The following CBFA2T2 variants were observed in gnomAD, a reference collection of about 807,000 sequenced individuals.
CBFA2T2 encodes protein CBFA2T2.
CBFA2T2 carries 11 observed loss-of-function variants against 62.2 expected under a neutral mutation model. That is an observed-to-expected ratio of 0.18 (90% CI 0.11 to 0.29). CBFA2T2 has a LOEUF of 0.29. Ranked by LOEUF, CBFA2T2 falls within the 10% of genes least tolerant of loss-of-function variation. CBFA2T2 has a pLI of 1.00. For synonymous variants in CBFA2T2, 295 were observed against 287.5 expected, an observed-to-expected ratio of 1.03 and a Z score of -0.27; for missense variants, 592 against 774.1, an observed-to-expected ratio of 0.76 and a Z score of 2.79.
intron 1 of CBFA2T2, among the ~76,000 whole-genome samples, chr20:33,508,846 G>T (rs2011452465): frequency 6.6e-6 from 1 of 152,160 alleles, no homozygotes; most frequent in South Asian, 2.1e-4. Flanking sequence ...TCCCATTAGG[G>T]CTTAACTTAA....
In CBFA2T2 at chr20:33,619,127, C is replaced by G. The variant is rs116004447; in HGVS notation, c.421-390C>G. 7.8e-3 allele frequency among the ~76,000 whole-genome samples: 1,195 copies of G among 152,306 alleles called. 10 individuals are homozygous for G. Among genetic ancestry groups the G allele is most frequent in the African/African-American group, 0.027 (1,130 of 41,558 alleles). On this transcript the variant is annotated intron_variant, in intron 3 of 10. Coordinates refer to ENST00000342704, the MANE Select transcript of CBFA2T2 (RefSeq NM_001032999.3). ...CGGTGGCTCACCCCTGTAATCCCAA[C>G]ACTTTGGAAGGCTGAGGGAGGAAGA...
Position 33,646,686 on chromosome 20 carries a change from T to A in CBFA2T2, c.*2040T>A, listed in dbSNP as rs544203386. 1 of 151,200 alleles carries A rather than the reference T, an allele frequency of 6.6e-6. No homozygotes were observed. The highest frequency in any genetic ancestry group is 1.5e-5 in the Non-Finnish European group (1 of 67,842). The allele number at this position is 151,200 out of a possible 1,614,324, so 9.4% of individuals were successfully genotyped here. A position where few individuals can be genotyped will look rare whatever the true frequency, so the allele number is the denominator to read the frequency against. ...ACCTGGCCAACATGGTGAAACCCTG[T>A]CTCTAATAAAAAAAAAATAGAAAAA... On this transcript the variant is annotated 3_prime_UTR_variant, in exon 11 of 11. Transcript: ENST00000342704.
chr20:33,528,274 A>G (rs2011943679), intron 1 of CBFA2T2, among the ~76,000 whole-genome samples: 1 of 152,240 alleles, frequency 6.6e-6, no homozygotes, highest in Non-Finnish European at 1.5e-5. Context: ...GATAGCTAGT[A>G]AGAGAGGTAA....
At chr20:33,498,708 C>T (rs1186132973) in intron 1 of CBFA2T2, among the ~76,000 whole-genome samples, 1 of 151,994 alleles carries the variant, frequency 6.6e-6, no homozygotes, top group Non-Finnish European at 1.5e-5. Flanking sequence ...TGCCACTGCA[C>T]TCCAGCCTGG....
intron 3 of CBFA2T2, among the ~76,000 whole-genome samples, chr20:33,615,714 C>T (rs1268095475): frequency 6.6e-6 from 1 of 151,744 alleles, no homozygotes; most frequent in Non-Finnish European, 1.5e-5. Context: ...GATTGTGAGC[C>T]TGGGGGACAG....
At chr20:33,550,961 G>A (rs1001759513) in intron 1 of CBFA2T2, among the ~76,000 whole-genome samples, 2 of 152,024 alleles carry the variant, frequency 1.3e-5, no homozygotes, top group Non-Finnish European at 2.9e-5. Context: ...ACATGAGTTG[G>A]AAGCTACATG....
chr20:33,595,803 G>GTGC (rs1466572467), intron 1 of CBFA2T2, among the ~76,000 whole-genome samples: 1 of 152,134 alleles, frequency 6.6e-6, no homozygotes, highest in Non-Finnish European at 1.5e-5. Context: ...GCCTCCCAAA[G>GTGC]TGCTGGGATT....
At chr20:33,527,064 G>GA (rs1473846950) in intron 1 of CBFA2T2, among the ~76,000 whole-genome samples, 2 of 152,200 alleles carry the variant, frequency 1.3e-5, no homozygotes, top group African/African-American at 2.4e-5. Flanking sequence ...GCATTATAAA[G>GA]ACAATACAAG....
At chr20:33,573,876 G>T in intron 1 of CBFA2T2, 2 of 263,912 alleles carry the variant, frequency 7.6e-6, no homozygotes, top group Non-Finnish European at 1.5e-5. Flanking sequence ...GACTTCATGG[G>T]CTCAGGTAGT....
intron 1 of CBFA2T2, among the ~76,000 whole-genome samples, chr20:33,570,524 CAG>C (rs138428605): frequency 0.015 from 2,243 of 152,238 alleles, 51 homozygotes; most frequent in African/African-American, 0.052. Context: ...AGATTTGAAA[CAG>C]AGCCTTCTCT....
chr20:33,645,012 C>T lies in CBFA2T2; in HGVS notation c.*366C>T, dbSNP rs1303398899. ...CCAATGTGCTCAGCCAGGCTGGAGGCGGCAGGCGGCAGGCAGCAGGCTGTG... is the reference window on the plus strand; with the variant it reads ...CCAATGTGCTCAGCCAGGCTGGAGGTGGCAGGCGGCAGGCAGCAGGCTGTG... On this transcript the variant is annotated 3_prime_UTR_variant, in exon 11 of 11. Transcript: ENST00000342704. 5.0e-6 allele frequency: 1 copy of T among 198,374 alleles called. No individual in the cohort carries two copies. The highest frequency in any genetic ancestry group is 1.0e-5 in the Non-Finnish European group (1 of 98,136). The allele number at this position is 198,374 out of a possible 1,614,324, so 12.3% of individuals were successfully genotyped here. A position where few individuals can be genotyped will look rare whatever the true frequency, so the allele number is the denominator to read the frequency against.
At chr20:33,570,896 A>G (rs975119416) in intron 1 of CBFA2T2, among the ~76,000 whole-genome samples, 1 of 152,204 alleles carries the variant, frequency 6.6e-6, no homozygotes, top group East Asian at 1.9e-4. Flanking sequence ...TGAGGTTTCC[A>G]CAAGCAAACT....
chr20:33,575,447 T>A (rs2013776214), intron 1 of CBFA2T2, among the ~76,000 whole-genome samples: 1 of 152,228 alleles, frequency 6.6e-6, no homozygotes, highest in Non-Finnish European at 1.5e-5. Flanking sequence ...GAAATCATTA[T>A]CTCAGTAAAC....
intron 3 of CBFA2T2, among the ~76,000 whole-genome samples, chr20:33,614,032 A>C (rs974711296): frequency 2.0e-5 from 3 of 152,058 alleles, no homozygotes; most frequent in Non-Finnish European, 4.4e-5. Context: ...AAAATACAAA[A>C]AATTAGCCGG....
rs930483946 is a variant in CBFA2T2 at position 33,529,314 on chromosome 20, C to T, written c.34+39013C>T. On this transcript the variant is annotated intron_variant, in intron 1 of 10. Transcript: ENST00000342704. ...TGCTAGGATTACAGGCGTGAGCCACCGCGCCCAGTGCACCAGTTATTTTTA... is the reference window on the plus strand; with the variant it reads ...TGCTAGGATTACAGGCGTGAGCCACTGCGCCCAGTGCACCAGTTATTTTTA... Among the ~76,000 whole-genome samples, 13 of 152,052 alleles carry T rather than the reference C, an allele frequency of 8.5e-5. No individual in the cohort carries two copies. The East Asian group carries it at 1.5e-3, about 18-fold the overall frequency.
intron 1 of CBFA2T2, among the ~76,000 whole-genome samples, chr20:33,564,570 C>T (rs900478111): frequency 1.3e-5 from 2 of 151,232 alleles, no homozygotes; most frequent in African/African-American, 4.9e-5. Context: ...TTTTTCTTTT[C>T]TCTTTTCTTT....
At chr20:33,513,303 C>T (rs2011540475) in intron 1 of CBFA2T2, among the ~76,000 whole-genome samples, 1 of 151,530 alleles carries the variant, frequency 6.6e-6, no homozygotes, top group African/African-American at 2.4e-5. Context: ...AGAGGGCATA[C>T]AGTCGTGAAG....
chr20:33,536,964 C>T (rs180989276), intron 1 of CBFA2T2, among the ~76,000 whole-genome samples: 40 of 143,192 alleles, frequency 2.8e-4, no homozygotes, highest in Non-Finnish European at 3.8e-4. Flanking sequence ...ACTTCCTAGA[C>T]GGGATGGCGG....
chr20:33,612,267 A>T (rs1568852189), intron 3 of CBFA2T2, among the ~76,000 whole-genome samples: 2 of 152,198 alleles, frequency 1.3e-5, no homozygotes. Context: ...CAGTGTTTAT[A>T]AGGGAAGTAC....
Sources: allele counts gnomAD v4.1 joint callset (sites outside exome capture counted in the v4.1 genomes callset), GRCh38; gene constraint gnomAD v4.1.1; transcripts MANE v1.5; gene names NCBI Gene and HGNC (gene_info 2026-07-23, HGNC 2026-07-21).